BLMH: variants seen among roughly 807,000 people sequenced by gnomAD.
BLMH encodes the protein bleomycin hydrolase.
A neutral mutation model predicts 61.6 loss-of-function variants in BLMH; 32 were observed. That is an observed-to-expected ratio of 0.52 (90% CI 0.39 to 0.70). The LOEUF is 0.70. Among genes scored for constraint, BLMH ranks in the 30% least tolerant of loss-of-function variants. BLMH has a pLI of 0.00. For missense variants in BLMH, 460 were observed against 555.5 expected (o/e 0.83, Z 1.73); for synonymous variants, 183 against 193.8 (o/e 0.94, Z 0.46).
chr17:30,248,872 G>T lies in BLMH; in HGVS notation c.*145C>A. The stretch of plus-strand genomic sequence containing the variant: ...TGTTTCAGCATAAAGCACACTTTCT[G>T]AAGAGGTTCCTGGTGGAGACTGGAA... On this transcript the variant is annotated 3_prime_UTR_variant, in exon 12 of 12. Coordinates refer to ENST00000261714, the MANE Select transcript of BLMH (RefSeq NM_000386.4). 9.9e-7 allele frequency: 1 copy of T among 1,014,358 alleles called. No homozygotes were observed. The highest frequency in any genetic ancestry group is 1.5e-6 in the Non-Finnish European group (1 of 686,752). The allele number at this position is 1,014,358 out of a possible 1,614,324, so 62.8% of individuals were successfully genotyped here.
chr17:30,256,748 A>C (rs1225420052), intron 11 of BLMH, among the ~76,000 whole-genome samples: 2 of 152,124 alleles, frequency 1.3e-5, no homozygotes, highest in Non-Finnish European at 2.9e-5. Flanking sequence ...AAAAAAAAGA[A>C]GGATAAGTGA....
intron 11 of BLMH, among the ~76,000 whole-genome samples, chr17:30,258,554 C>T (rs1369371975): frequency 6.6e-6 from 1 of 151,994 alleles, no homozygotes; most frequent in Non-Finnish European, 1.5e-5. Context: ...ACCATTAAAC[C>T]ACCACAAAGT....
chr17:30,291,294 G>T lies in BLMH; in HGVS notation c.211+17C>A. The T allele has an allele frequency of 6.2e-7, 1 of 1,603,522 alleles. No individual in the cohort carries two copies. Among genetic ancestry groups the T allele is most frequent in the Non-Finnish European group, 8.5e-7 (1 of 1,175,480 alleles). On this transcript the variant is annotated intron_variant, in intron 2 of 11. Transcript: ENST00000261714. ...CAGGAAGGTCAAGGAACGTATGGGAGAAGTGGAAGCCCACACCTGAGCTCT... is the reference window on the plus strand; with the variant it reads ...CAGGAAGGTCAAGGAACGTATGGGATAAGTGGAAGCCCACACCTGAGCTCT...
rs1908886523 is a variant in BLMH at position 30,291,467 on chromosome 17, T to C, written c.55A>G (p.Asn19Asp). 2 of 1,614,162 alleles carry C rather than the reference T, an allele frequency of 1.2e-6. No homozygotes were observed. Among genetic ancestry groups the C allele is most frequent in the Non-Finnish European group, 1.7e-6 (2 of 1,180,016 alleles). The change falls in exon 2 of 12, where the codon AAT becomes GAT. Residue 19 changes from asparagine to aspartate, a missense_variant. This residue lies in a region of BLMH where 86 missense variants were observed against 84.5 expected (regional missense o/e 1.02). Transcript: ENST00000261714. The part of the protein sequence containing the change: ...EKVAALIQKL[N>D]SDPQFVLAQN... ...GCAAGTACGAACTGGGGGTCGGAAT[T>C]CAGTTTCTGTATCAGAGCAGCTACC...
chr17:30,287,813 A>G lies in BLMH; in HGVS notation c.456T>C (p.Asn152=). The change falls in exon 4 of 12, where the codon AAT becomes AAC. Residue 152 remains asparagine, a synonymous_variant. Transcript: ENST00000261714. ...NDGGQWDMLV[N]IVEKYGVIPK... ...TAAAGAAAGAACTTTTACCAACAAT[A>G]TTAACAAGCATATCCCATTGGCCAC... 6.2e-7 allele frequency: 1 copy of G among 1,613,778 alleles called. No individual in the cohort carries two copies. The highest frequency in any genetic ancestry group is 8.5e-7 in the Non-Finnish European group (1 of 1,179,876).
At chr17:30,280,368 G>C (rs1311222030) in intron 6 of BLMH, among the ~76,000 whole-genome samples, 1 of 152,120 alleles carries the variant, frequency 6.6e-6, no homozygotes, top group Non-Finnish European at 1.5e-5. Flanking sequence ...ATTTGTATTT[G>C]CAATACTGGG....
At chr17:30,275,519 C>A (rs960205431) in intron 6 of BLMH, among the ~76,000 whole-genome samples, 7 of 151,404 alleles carry the variant, frequency 4.6e-5, no homozygotes, top group African/African-American at 1.7e-4. Context: ...GAAAACAAAA[C>A]AAAACAAAAC....
At chr17:30,271,719 A>ATCT (rs1908276733) in intron 9 of BLMH, among the ~76,000 whole-genome samples, 1 of 152,236 alleles carries the variant, frequency 6.6e-6, no homozygotes, top group South Asian at 2.1e-4. Flanking sequence ...ACTTCTTAGA[A>ATCT]AACTGATCTC....
intron 1 of BLMH, 128 bp from the exon 2 acceptor site, chr17:30,291,636 G>T: frequency 7.2e-7 from 1 of 1,397,568 alleles, no homozygotes. Context: ...AAACCCATAA[G>T]CGGCATCCTC....
In BLMH at chr17:30,291,791, GA is replaced by G; in HGVS notation, c.13+15del. 6 of 1,401,742 alleles carry G rather than the reference GA, an allele frequency of 4.3e-6. No homozygotes were observed. Among genetic ancestry groups the G allele is most frequent in the Non-Finnish European group, 5.5e-6 (6 of 1,082,426 alleles). The allele number at this position is 1,401,742 out of a possible 1,614,324, so 86.8% of individuals were successfully genotyped here. A position where few individuals can be genotyped will look rare whatever the true frequency, so the allele number is the denominator to read the frequency against. ...GCTCCTCCAGAGGACCGCGGCGGGG[GA>G]CGGCGGCACCTCACCCGAGCTGCTC... is the stretch of plus-strand genomic sequence containing the variant. On this transcript the variant is annotated intron_variant, in intron 1 of 11. Coordinates refer to ENST00000261714, the MANE Select transcript of BLMH (RefSeq NM_000386.4).
chr17:30,266,812 C>G, intron 11 of BLMH, 73 bp downstream of exon 11: 1 of 1,339,952 alleles, frequency 7.5e-7, no homozygotes, highest in Non-Finnish European at 1.1e-6. Flanking sequence ...CACACTAGAG[C>G]AGCTTGACAC....
intron 11 of BLMH, among the ~76,000 whole-genome samples, chr17:30,255,664 CGAG>C (rs1907792541): frequency 6.6e-6 from 1 of 152,038 alleles, no homozygotes; most frequent in Non-Finnish European, 1.5e-5. Flanking sequence ...TTTGGGAGGC[CGAG>C]GCGGGCAGAT....
chr17:30,257,449 T>TA (rs1383084317), intron 11 of BLMH, among the ~76,000 whole-genome samples: 4 of 151,730 alleles, frequency 2.6e-5, no homozygotes, highest in South Asian at 2.1e-4. Flanking sequence ...ATGTTTGTAC[T>TA]AAAAAAAATA....
chr17:30,269,659 T>C (rs935150574), intron 10 of BLMH, among the ~76,000 whole-genome samples: 11 of 152,162 alleles, frequency 7.2e-5, no homozygotes, highest in Non-Finnish European at 1.3e-4. Context: ...TAAAAACCTG[T>C]TTCTTGGTGT....
intron 6 of BLMH, among the ~76,000 whole-genome samples, chr17:30,280,004 C>A (rs1429139262): frequency 6.6e-6 from 1 of 151,896 alleles, no homozygotes; most frequent in Non-Finnish European, 1.5e-5. Flanking sequence ...TGACAGACAT[C>A]AAGTGAGAGG....
In BLMH at chr17:30,257,217, T is replaced by C. The variant is rs555866787; in HGVS notation, c.1217-8049A>G. On this transcript the variant is annotated intron_variant, in intron 11 of 11. Coordinates refer to ENST00000261714, the MANE Select transcript of BLMH (RefSeq NM_000386.4). Reference sequence around the variant, plus strand: ...ATATAGTAACCCACTGCAATACTGTTTGTAATAGCAAAGACTGAAACAACC... The same window carrying C: ...ATATAGTAACCCACTGCAATACTGTCTGTAATAGCAAAGACTGAAACAACC... Among the ~76,000 whole-genome samples, 10 of 152,304 alleles carry C rather than the reference T, an allele frequency of 6.6e-5. No homozygotes were observed. The East Asian group carries it at 1.7e-3, about 26-fold the overall frequency.
chr17:30,258,103 G>C (rs1000790763), intron 11 of BLMH, among the ~76,000 whole-genome samples: 2 of 152,044 alleles, frequency 1.3e-5, no homozygotes, highest in African/African-American at 4.8e-5. Context: ...GGGTAGCTAA[G>C]ACTATAGGTG....
chr17:30,276,101 T>C lies in BLMH; in HGVS notation c.646-1904A>G, dbSNP rs567119594. Reference sequence around the variant, plus strand: ...TACTTAAGGTCACACAGCCAGCAAGTGGAAAACCACAATCTAAACTGAGGT... The same window carrying C: ...TACTTAAGGTCACACAGCCAGCAAGCGGAAAACCACAATCTAAACTGAGGT... On this transcript the variant is annotated intron_variant, in intron 6 of 11. Coordinates refer to ENST00000261714, the MANE Select transcript of BLMH (RefSeq NM_000386.4). Among the ~76,000 whole-genome samples, 3 of 152,156 alleles carry C rather than the reference T, an allele frequency of 2.0e-5. No homozygotes were observed. In the East Asian group the frequency reaches 5.8e-4, roughly 29 times the overall value.
intron 11 of BLMH, among the ~76,000 whole-genome samples, chr17:30,260,817 A>C (rs112455638): frequency 6.6e-6 from 1 of 152,162 alleles, no homozygotes; most frequent in African/African-American, 2.4e-5. Flanking sequence ...TGGGAGGCAG[A>C]GGTTGCAGTG....
Sources: allele counts gnomAD v4.1 joint callset (sites outside exome capture counted in the v4.1 genomes callset), GRCh38; gene constraint gnomAD v4.1.1; regional missense constraint gnomAD v4.1.1; transcripts MANE v1.5; gene names NCBI Gene and HGNC (gene_info 2026-07-23, HGNC 2026-07-21).